PREP: variants seen among roughly 807,000 people sequenced by gnomAD.
The protein encoded by PREP is dJ355L5.1 (prolyl endopeptidase).
Under a neutral mutation model 87.6 loss-of-function variants are expected in PREP, and 29 were observed. The observed-to-expected ratio is 0.33, with a 90% CI of 0.25 to 0.45. PREP has a LOEUF of 0.45. Ranked by LOEUF, PREP falls within the 20% of genes least tolerant of loss-of-function variation. The probability of loss-of-function intolerance (pLI) is 1.00; values close to 1 mark genes in which losing one functional copy is unlikely to be tolerated. For missense variants in PREP, 695 were observed against 886.5 expected (o/e 0.78, Z 2.74); for synonymous variants, 337 against 328.6 (o/e 1.03, Z -0.28).
At chr6:105,383,468 G>A (rs1772902757) in intron 2 of PREP, among the ~76,000 whole-genome samples, 1 of 152,154 alleles carries the variant, frequency 6.6e-6, no homozygotes, top group African/African-American at 2.4e-5. Flanking sequence ...TCAAGGTGGA[G>A]AAATATTCTA....
chr6:105,307,090 G>A lies in PREP; in HGVS notation c.1317+16575C>T, dbSNP rs952228082. On this transcript the variant is annotated intron_variant, in intron 10 of 14. Coordinates refer to ENST00000652536, the MANE Select transcript of PREP (RefSeq NM_002726.5). ...CTAACCTGTAAATTCAGCTGACCTA[G>A]TCCTTATTGTGTTTTATGAGACTCT... 7.2e-5 allele frequency among the ~76,000 whole-genome samples: 11 copies of A among 152,294 alleles called. No homozygotes were observed. The East Asian group carries it at 1.9e-3, about 27-fold the overall frequency.
chr6:105,282,342 C>T, intron 13 of PREP, 109 bp downstream of exon 13: 1 of 1,370,834 alleles, frequency 7.3e-7, no homozygotes, highest in Non-Finnish European at 9.9e-7. Flanking sequence ...CCTTATACCA[C>T]TTTGTGGTCC....
At chr6:105,366,419 C>T (rs969330953) in intron 6 of PREP, among the ~76,000 whole-genome samples, 1 of 152,110 alleles carries the variant, frequency 6.6e-6, no homozygotes, top group Admixed American at 6.5e-5. Context: ...AAGATAATTA[C>T]CCTAGTAGGT....
Position 105,403,013 on chromosome 6 carries a change from G to C in PREP, c.-122C>G. 5 of 369,398 alleles carry C rather than the reference G, an allele frequency of 1.4e-5. No homozygotes were observed. Among genetic ancestry groups the C allele is most frequent in the Non-Finnish European group, 4.5e-6 (1 of 221,424 alleles). 22.9% of individuals were successfully genotyped at this position (369,398 alleles called of 1,614,324 possible). A position where few individuals can be genotyped will look rare whatever the true frequency, so the allele number is the denominator to read the frequency against. On this transcript the variant is annotated 5_prime_UTR_variant, in exon 1 of 15. Coordinates refer to ENST00000652536, the MANE Select transcript of PREP (RefSeq NM_002726.5). ...CAGCTGCGGGGCGGCCGGCGGCAGCGGGCGGCCGGCTCACGGCCAGAGCTA... is the reference window on the plus strand; with the variant it reads ...CAGCTGCGGGGCGGCCGGCGGCAGCCGGCGGCCGGCTCACGGCCAGAGCTA...
chr6:105,283,459 A>G (rs75296222), intron 12 of PREP, among the ~76,000 whole-genome samples: 5,456 of 152,312 alleles, frequency 0.036, 311 homozygotes, highest in African/African-American at 0.12. Context: ...GAGATTAACC[A>G]CTTCTGCTGA....
chr6:105,323,637 C>T (rs748362935), intron 10 of PREP, 28 bp downstream of exon 10: 6 of 1,561,890 alleles, frequency 3.8e-6, no homozygotes, highest in Admixed American at 1.7e-5. Flanking sequence ...TCCTAACTCT[C>T]ACATTAATGA....
At chr6:105,281,945 T>C in intron 13 of PREP, 43 bp from the exon 14 acceptor site, 1 of 1,602,824 alleles carries the variant, frequency 6.2e-7, no homozygotes, top group Admixed American at 1.7e-5. Flanking sequence ...AGTCTATCAT[T>C]AAACATCTAC....
chr6:105,372,435 T>C lies in PREP; in HGVS notation c.595+934A>G, dbSNP rs150618475. Among the ~76,000 whole-genome samples the C allele has an allele frequency of 5.2e-4, 79 of 152,270 alleles. No individual in the cohort carries two copies. In the East Asian group the frequency reaches 0.014, roughly 28 times the overall value. On this transcript the variant is annotated intron_variant, in intron 5 of 14. Transcript: ENST00000652536. ...ACCAACCAACATAACAAGAAAATGCTACATACCACGTTGAAATGTGGGGTA... is the reference window on the plus strand; with the variant it reads ...ACCAACCAACATAACAAGAAAATGCCACATACCACGTTGAAATGTGGGGTA...
At position 105,373,641 on chromosome 6, in the gene PREP, G is replaced by A. The variant is rs547172566; in HGVS notation, c.386-63C>T. Reference sequence around the variant, plus strand: ...GGAACACAACTCCACGGTCCTTTATGCCATCTAACAAAGCTCTCTTTCATA... The same window carrying A: ...GGAACACAACTCCACGGTCCTTTATACCATCTAACAAAGCTCTCTTTCATA... On this transcript the variant is annotated intron_variant, in intron 4 of 14. Transcript: ENST00000652536. 20 of 1,431,608 alleles carry A rather than the reference G, an allele frequency of 1.4e-5. No individual in the cohort carries two copies. The African/African-American group carries it at 2.7e-4, about 19-fold the overall frequency. The allele number at this position is 1,431,608 out of a possible 1,614,324, so 88.7% of individuals were successfully genotyped here. A position where few individuals can be genotyped will look rare whatever the true frequency, so the allele number is the denominator to read the frequency against.
intron 6 of PREP, among the ~76,000 whole-genome samples, chr6:105,363,537 C>T (rs1772305862): frequency 6.6e-6 from 1 of 152,158 alleles, no homozygotes; most frequent in African/African-American, 2.4e-5. Context: ...TGTTACACCC[C>T]AGGGGCACAA....
At chr6:105,327,552 T>G (rs116564975) in intron 9 of PREP, among the ~76,000 whole-genome samples, 1,669 of 152,320 alleles carry the variant, frequency 0.011, 31 homozygotes, top group African/African-American at 0.039. Flanking sequence ...ATAAGATTCC[T>G]TATGGATTGC....
At chr6:105,378,753 A>T (rs1233881947) in intron 2 of PREP, among the ~76,000 whole-genome samples, 1 of 152,244 alleles carries the variant, frequency 6.6e-6, no homozygotes, top group East Asian at 1.9e-4. Flanking sequence ...ATTTCATCAG[A>T]TGTCTATAAA....
chr6:105,402,448 A>AC (rs1491566226), intron 1 of PREP, among the ~76,000 whole-genome samples: 6 of 150,450 alleles, frequency 4.0e-5, no homozygotes, highest in African/African-American at 9.8e-5. Flanking sequence ...ACACACACAC[A>AC]AACACACACA....
At chr6:105,308,659 TAAAAAA>T (rs879267706) in intron 10 of PREP, among the ~76,000 whole-genome samples, 3 of 143,686 alleles carry the variant, frequency 2.1e-5, no homozygotes, top group African/African-American at 5.1e-5. Context: ...ACAGAAATAT[TAAAAAA>T]AAAAAAAGTT....
At chr6:105,284,560 C>A (rs560093992) in intron 12 of PREP, among the ~76,000 whole-genome samples, 2,852 of 152,210 alleles carry the variant, frequency 0.019, 35 homozygotes, top group Middle Eastern at 0.058. Context: ...TGCTGACCAG[C>A]CCCAAGCACT....
rs140095005 is a variant in PREP, at chr6:105,326,581, C to G, written c.1213+2248G>C. ...GGGCTTTACATATAATTGAGTACCT[C>G]TGCTCTTTACTGTAGTAGTGAACAG... On this transcript the variant is annotated intron_variant, in intron 9 of 14. Transcript: ENST00000652536. 3.2e-4 allele frequency among the ~76,000 whole-genome samples: 49 copies of G among 152,324 alleles called. No homozygotes were observed. The East Asian group carries it at 8.5e-3, about 26-fold the overall frequency.
chr6:105,358,376 G>A (rs1383458838), intron 6 of PREP, among the ~76,000 whole-genome samples: 1 of 152,014 alleles, frequency 6.6e-6, no homozygotes, highest in Non-Finnish European at 1.5e-5. Context: ...GTCACCTGTT[G>A]AATTATATTT....
intron 10 of PREP, among the ~76,000 whole-genome samples, chr6:105,303,879 T>C (rs1233812017): frequency 6.6e-6 from 1 of 152,242 alleles, no homozygotes; most frequent in Non-Finnish European, 1.5e-5. Flanking sequence ...AGTTTCTATA[T>C]TTTTCACAAC....
chr6:105,277,090 GA>G lies in PREP; in HGVS notation c.*1053del, dbSNP rs929367389. On this transcript the variant is annotated 3_prime_UTR_variant, in exon 15 of 15. Coordinates refer to ENST00000652536, the MANE Select transcript of PREP (RefSeq NM_002726.5). ...CATGAAATGTTAAAATATATGCCTT[GA>G]AAAAAATTTTATGGATGAAAGTTTA... 3.4e-4 allele frequency among the ~76,000 whole-genome samples: 51 copies of G among 150,408 alleles called. No individual in the cohort carries two copies. The highest frequency in any genetic ancestry group is 1.2e-3 in the African/African-American group (51 of 41,024).
Sources: allele counts gnomAD v4.1 joint callset (sites outside exome capture counted in the v4.1 genomes callset), GRCh38; gene constraint gnomAD v4.1.1; transcripts MANE v1.5; gene names NCBI Gene and HGNC (gene_info 2026-07-23, HGNC 2026-07-21).